Variants in ARHGEF9 observed in about 807,000 individuals in gnomAD.
ARHGEF9 encodes rho guanine nucleotide exchange factor 9.
In ARHGEF9, 2 loss-of-function variants were observed where a neutral mutation model predicts 41.3. That is an observed-to-expected ratio of 0.05 (90% CI 0.02 to 0.15). The LOEUF is 0.15. Among genes scored for constraint, ARHGEF9 ranks in the 10% least tolerant of loss-of-function variants. The probability of loss-of-function intolerance (pLI) is 1.00; values close to 1 mark genes in which losing one functional copy is unlikely to be tolerated. For synonymous variants in ARHGEF9, 160 were observed against 154.4 expected (o/e 1.04, Z -0.27); for missense variants, 225 against 424.7 (o/e 0.53, Z 4.13).
chrX:63,644,169 A>C, intron 8 of ARHGEF9, 121 bp from the exon 9 acceptor site: 1 of 337,411 alleles, frequency 3.0e-6, no homozygotes, highest in Non-Finnish European at 4.7e-6. Flanking sequence ...TTGAAATACA[A>C]AAAAAAAAAA....
chrX:63,776,923 T>C (rs2056303060), intron 1 of ARHGEF9, among the ~76,000 whole-genome samples: 2 of 111,443 alleles, frequency 1.8e-5, no homozygotes. Context: ...CTATTAGATA[T>C]CTACAATGTA....
At chrX:63,693,835 A>G (rs2051545638) in intron 4 of ARHGEF9, among the ~76,000 whole-genome samples, 1 of 109,964 alleles carries the variant, frequency 9.1e-6, no homozygotes, top group Non-Finnish European at 1.9e-5. Context: ...TAAAATTACA[A>G]TGAGATACCA....
intron 1 of ARHGEF9, among the ~76,000 whole-genome samples, chrX:63,771,691 C>G (rs139307461): frequency 4.5e-5 from 5 of 110,241 alleles, no homozygotes; most frequent in African/African-American, 1.7e-4. Flanking sequence ...CTCAGCCTCC[C>G]GAGTAGCTGG....
chrX:63,746,440 A>G (rs1556434002), intron 1 of ARHGEF9, among the ~76,000 whole-genome samples: 1 of 111,504 alleles, frequency 9.0e-6, no homozygotes, highest in African/African-American at 3.3e-5. Context: ...TCATGACTGC[A>G]TCCTGACCAC....
intron 2 of ARHGEF9, chrX:63,712,817 A>C (rs1556407709): frequency 9.0e-6 from 1 of 111,671 alleles, no homozygotes. Flanking sequence ...ACCTCTCCTG[A>C]GGAAACCATG....
intron 1 of ARHGEF9, chrX:63,767,279 A>G: frequency 3.4e-6 from 2 of 582,528 alleles, no homozygotes; most frequent in South Asian, 4.4e-5. Flanking sequence ...GATGACGATG[A>G]TGAAGTTCCA....
At chrX:63,642,097 T>C (rs2047674839) in intron 9 of ARHGEF9, 1 of 111,485 alleles carries the variant, frequency 9.0e-6, no homozygotes, top group Non-Finnish European at 1.9e-5. Flanking sequence ...TAAACTCATA[T>C]ATATATATAT....
chrX:63,648,007 C>A (rs2048242030), intron 8 of ARHGEF9, among the ~76,000 whole-genome samples: 1 of 111,445 alleles, frequency 9.0e-6, no homozygotes, highest in Non-Finnish European at 1.9e-5. Flanking sequence ...GAGAACGGAA[C>A]CAAGTTGGAA....
intron 1 of ARHGEF9, among the ~76,000 whole-genome samples, chrX:63,776,567 G>GCCAAA (rs2056296349): frequency 8.9e-6 from 1 of 111,762 alleles, no homozygotes. Flanking sequence ...TGGCCAGCAG[G>GCCAAA]CTATAGTTTG....
intron 1 of ARHGEF9, among the ~76,000 whole-genome samples, chrX:63,730,202 G>A (rs1330450154): frequency 1.8e-5 from 2 of 112,003 alleles, no homozygotes; most frequent in Non-Finnish European, 1.9e-5. Context: ...AGGGAAGGAC[G>A]AAGCAAGAGA....
At chrX:63,708,424 A>G (rs1602499952) in intron 2 of ARHGEF9, among the ~76,000 whole-genome samples, 3 of 112,507 alleles carry the variant, frequency 2.7e-5, no homozygotes, top group African/African-American at 9.7e-5. Flanking sequence ...AAGACAGGAT[A>G]TGAAGGAAAG....
chrX:63,744,434 T>C (rs1269632987), intron 1 of ARHGEF9, among the ~76,000 whole-genome samples: 1 of 112,000 alleles, frequency 8.9e-6, no homozygotes, highest in Non-Finnish European at 1.9e-5. Context: ...GCTTCCACAA[T>C]GAGGAGATTA....
At chrX:63,743,431 T>A (rs1569499863) in intron 1 of ARHGEF9, 1 of 112,675 alleles carries the variant, frequency 8.9e-6, no homozygotes. Context: ...GGGAAAATAA[T>A]CTTGGCTTTG....
intron 3 of ARHGEF9, among the ~76,000 whole-genome samples, chrX:63,702,172 T>C (rs1184498565): frequency 8.9e-6 from 1 of 112,579 alleles, no homozygotes; most frequent in African/African-American, 3.2e-5. Context: ...CCAGCTTCTC[T>C]GGAGGCATTT....
In ARHGEF9 at chrX:63,677,826, A is replaced by G. The variant is rs147662363; in HGVS notation, c.815+514T>C. 5.3e-4 allele frequency among the ~76,000 whole-genome samples: 59 copies of G among 112,185 alleles called. No homozygotes were observed. The East Asian group carries it at 0.015, about 29-fold the overall frequency. ...GCTCTGAGGTTGTTTTGGCCTAAGA[A>G]ACTAACATAGCTTTGAGCTATGCTT... On this transcript the variant is annotated intron_variant, in intron 5 of 9. Coordinates refer to ENST00000671741, the MANE Select transcript of ARHGEF9 (RefSeq NM_001353921.2).
chrX:63,706,151 C>G (rs1400187712), intron 3 of ARHGEF9, 107 bp downstream of exon 3: 2 of 877,282 alleles, frequency 2.3e-6, no homozygotes, highest in African/African-American at 2.0e-5. Flanking sequence ...TGAACAGAAT[C>G]TGGGAGGCTA....
chrX:63,749,951 C>A (rs1406499332), intron 1 of ARHGEF9, among the ~76,000 whole-genome samples: 1 of 111,936 alleles, frequency 8.9e-6, no homozygotes, highest in Admixed American at 9.4e-5. Flanking sequence ...GAAGCTAAAC[C>A]TTCATCAAGG....
rs782126971 is a variant in ARHGEF9, at chrX:63,754,297, AAT to A, written c.31-29588_31-29587del. 1 of 1,208,585 alleles carries A rather than the reference AAT, an allele frequency of 8.3e-7. No individual in the cohort carries two copies. Among genetic ancestry groups the A allele is most frequent in the Non-Finnish European group, 1.1e-6 (1 of 894,208 alleles). ...CACGACAAAAGATTTAGGGAGAGAT[AAT>A]ATACCAACGTCATACATATCACAGC... On this transcript the variant is annotated intron_variant, in intron 1 of 9. Coordinates refer to ENST00000671741, the MANE Select transcript of ARHGEF9 (RefSeq NM_001353921.2).
At chrX:63,724,118 G>A (rs1340787375) in intron 2 of ARHGEF9, among the ~76,000 whole-genome samples, 7 of 111,415 alleles carry the variant, frequency 6.3e-5, no homozygotes, top group African/African-American at 2.3e-4. Flanking sequence ...GAGGAGATGG[G>A]AAGAAACTAC....
Sources: allele counts gnomAD v4.1 joint callset (sites outside exome capture counted in the v4.1 genomes callset), GRCh38; gene constraint gnomAD v4.1.1; transcripts MANE v1.5; gene names NCBI Gene and HGNC (gene_info 2026-07-23, HGNC 2026-07-21).